The following C5orf46 variants were observed in gnomAD, a reference collection of about 807,000 sequenced individuals.
C5orf46 encodes chromosome 5 open reading frame 46.
In C5orf46, 9 loss-of-function variants were observed where a neutral mutation model predicts 8.9. The ratio of observed to expected loss-of-function variants is 1.01; its 90% CI spans 0.61 to 1.76. The LOEUF is 1.76. C5orf46 is among the 40% of genes most tolerant of loss of function. C5orf46 has a pLI of 0.00. For missense variants in C5orf46, 98 were observed against 107.8 expected, an observed-to-expected ratio of 0.91 and a Z score of 0.40; for synonymous variants, 47 against 41.4, an observed-to-expected ratio of 1.14 and a Z score of -0.52.
chr5:147,893,732 G>A (rs1336734005), intron 3 of C5orf46, among the ~76,000 whole-genome samples: 1 of 146,388 alleles, frequency 6.8e-6, no homozygotes, highest in Non-Finnish European at 1.5e-5. Context: ...AGTAGAGACA[G>A]TGTTTCTCCA....
At chr5:147,886,273 T>A (rs1757415253) in intron 2 of C5orf46, 1 of 152,172 alleles carries the variant, frequency 6.6e-6, no homozygotes, top group Non-Finnish European at 1.5e-5. Context: ...TGTATCAATG[T>A]CAGCATACTG....
At chr5:147,904,505 C>T (rs1396110744) in intron 1 of C5orf46, among the ~76,000 whole-genome samples, 1 of 152,096 alleles carries the variant, frequency 6.6e-6, no homozygotes, top group Non-Finnish European at 1.5e-5. Flanking sequence ...GATTTTTTCT[C>T]CTGTGTTTCT....
intron 2 of C5orf46, among the ~76,000 whole-genome samples, chr5:147,900,103 G>A (rs1757644073): frequency 6.6e-6 from 1 of 152,172 alleles, no homozygotes; most frequent in Non-Finnish European, 1.5e-5. Flanking sequence ...CTGTGTGGAT[G>A]TAACAATACT....
rs7722926 is a variant in C5orf46, at chr5:147,906,450, A to T, written c.52T>A (p.Phe18Ile). 215,126 of 1,610,248 alleles carry T rather than the reference A, an allele frequency of 0.13. 25,251 individuals carry two copies. The highest frequency in any genetic ancestry group is 0.62 in the African/African-American group (46,175 of 74,830). ...LTVVLGLLVL[F>I]LTCYADDKPD... Reference sequence around the variant, plus strand: ...CACTTACCTGCATAGCAGGTCAGGAATAAGACAAGCAGTCCCAGGACAACT... The same window carrying T: ...CACTTACCTGCATAGCAGGTCAGGATTAAGACAAGCAGTCCCAGGACAACT... Residue 18 changes from phenylalanine (F) to isoleucine (I), a missense_variant, in exon 1 of 4, where the codon TTC becomes ATC. Phe to Ile is a conservative substitution (Grantham distance 21). Transcript: ENST00000318315.
At chr5:147,886,963 G>A (rs1757429395) in intron 2 of C5orf46, 2 of 152,088 alleles carry the variant, frequency 1.3e-5, no homozygotes, top group African/African-American at 4.8e-5. Context: ...TCGGAGAAGT[G>A]CCATTTCCAA....
At chr5:147,894,213 T>C (rs6889356) in intron 3 of C5orf46, among the ~76,000 whole-genome samples, 22,987 of 152,138 alleles carry the variant, frequency 0.15, 4,747 homozygotes, top group African/African-American at 0.47. Flanking sequence ...TAGTGAGGTT[T>C]GTCCAAATTT....
intron 1 of C5orf46, among the ~76,000 whole-genome samples, chr5:147,903,349 C>T (rs1348162534): frequency 6.6e-6 from 1 of 152,206 alleles, no homozygotes; most frequent in East Asian, 1.9e-4. Context: ...TTAGGACACC[C>T]TGATGCTGAA....
downstream of C5orf46, among the ~76,000 whole-genome samples, chr5:147,889,531 T>C (rs973212488): frequency 2.6e-5 from 4 of 152,144 alleles, no homozygotes; most frequent in Non-Finnish European, 5.9e-5. Flanking sequence ...TTAGTACATA[T>C]TAAAAAGTAA....
In C5orf46 at chr5:147,897,008, T is replaced by C; in HGVS notation, c.249A>G (p.Lys83=). The change falls in exon 3 of 4, where the codon AAA becomes AAG. Residue 83 remains lysine (K), a synonymous_variant. Coordinates refer to ENST00000318315, the MANE Select transcript of C5orf46 (RefSeq NM_206966.3). ...CCTGAGGATGTCACTTTGATGAATG[T>C]TTTCCTTCATTATCATCAAATTCCA... The part of the protein sequence containing the change: ...GFMEFDDNEG[K]HSSK 2.0e-6 allele frequency: 3 copies of C among 1,512,548 alleles called. No homozygotes were observed. The highest frequency in any genetic ancestry group is 2.7e-6 in the Non-Finnish European group (3 of 1,105,144). The allele number at this position is 1,512,548 out of a possible 1,614,324, so 93.7% of individuals were successfully genotyped here.
chr5:147,894,751 T>C (rs1161516219), intron 3 of C5orf46, among the ~76,000 whole-genome samples: 23 of 143,638 alleles, frequency 1.6e-4, no homozygotes, highest in Admixed American at 1.1e-3. Context: ...ATTAAAGAAA[T>C]GTGTAAAAAA....
At chr5:147,895,594 A>T (rs969917874) in intron 3 of C5orf46, among the ~76,000 whole-genome samples, 8 of 152,152 alleles carry the variant, frequency 5.3e-5, no homozygotes, top group African/African-American at 1.9e-4. Context: ...CTGCTCCTCC[A>T]TGTGGCCTTG....
At chr5:147,890,604 G>A (rs551326823), downstream of C5orf46, among the ~76,000 whole-genome samples, 3 of 152,254 alleles carry the variant, frequency 2.0e-5, no homozygotes, top group African/African-American at 7.2e-5. Flanking sequence ...ATCAATGAAG[G>A]CTTCACTGAG....
chr5:147,896,365 C>G (rs1651113993), intron 3 of C5orf46, among the ~76,000 whole-genome samples: 1 of 152,040 alleles, frequency 6.6e-6, no homozygotes, highest in Admixed American at 6.6e-5. Flanking sequence ...TACTACAAGC[C>G]CTTAGTCATT....
intron 3 of C5orf46, among the ~76,000 whole-genome samples, chr5:147,895,812 G>A (rs1433977789): frequency 6.6e-6 from 1 of 152,174 alleles, no homozygotes; most frequent in African/African-American, 2.4e-5. Context: ...ATTGGCCTTA[G>A]GGTAAGAGTC....
chr5:147,897,236 T>G (rs1757595751), intron 2 of C5orf46, among the ~76,000 whole-genome samples, 195 bp from the exon 3 acceptor site: 1 of 152,236 alleles, frequency 6.6e-6, no homozygotes, highest in Admixed American at 6.5e-5. Flanking sequence ...CTTTTTTGCA[T>G]CTGCCAACAA....
chr5:147,896,676 G>A (rs1757585037), intron 3 of C5orf46, among the ~76,000 whole-genome samples: 1 of 152,106 alleles, frequency 6.6e-6, no homozygotes, highest in African/African-American at 2.4e-5. Context: ...GCTAGTGCGT[G>A]CTAGCCCCTC....
chr5:147,893,991 G>A (rs556030452), intron 3 of C5orf46, among the ~76,000 whole-genome samples: 9 of 151,570 alleles, frequency 5.9e-5, no homozygotes, highest in South Asian at 4.2e-4. Context: ...TTGTGGCCAC[G>A]GGCAATTTTG....
chr5:147,906,436 A>C lies in C5orf46; in HGVS notation c.66T>G (p.Tyr22Ter). ...GCTGTGATCAGAAGCACTTACCTGC[A>C]TAGCAGGTCAGGAATAAGACAAGCA... ...LGLLVLFLTC[Y>*]ADDKPDKPDD... The change falls in exon 1 of 4, where the codon TAT (tyrosine) becomes TAG (stop). Residue 22 changes from tyrosine to a stop codon, truncating the protein, a stop_gained. Transcript: ENST00000318315. LOFTEE classifies it high-confidence loss of function. The C allele has an allele frequency of 6.2e-7, 1 of 1,603,652 alleles. No homozygotes were observed. The highest frequency in any genetic ancestry group is 1.1e-5 in the South Asian group (1 of 89,836).
intron 3 of C5orf46, among the ~76,000 whole-genome samples, chr5:147,894,365 A>G (rs1372986415): frequency 6.6e-6 from 1 of 152,196 alleles, no homozygotes; most frequent in Non-Finnish European, 1.5e-5. Context: ...TATTAAAGCC[A>G]GTAAAAATCA....
Sources: allele counts gnomAD v4.1 joint callset (sites outside exome capture counted in the v4.1 genomes callset), GRCh38; gene constraint gnomAD v4.1.1; transcripts MANE v1.5; gene names NCBI Gene and HGNC (gene_info 2026-07-23, HGNC 2026-07-21).